DOCK9: variants seen among roughly 807,000 people sequenced by gnomAD.
The protein encoded by DOCK9 is dedicator of cytokinesis 9.
A neutral mutation model predicts 263.3 loss-of-function variants in DOCK9; 89 were observed. That is an observed-to-expected ratio of 0.34 (90% CI 0.28 to 0.40). The LOEUF (loss-of-function observed/expected upper bound fraction) is 0.40, where lower values mean the gene tolerates loss of function less well. Ranked by LOEUF, DOCK9 falls within the 10% of genes least tolerant of loss-of-function variation. The pLI is 1.00. For synonymous variants in DOCK9, 976 were observed against 973.1 expected (o/e 1.00, Z -0.06); for missense variants, 2,140 against 2,603.4 (o/e 0.82, Z 3.87).
At chr13:98,918,003 C>T (rs2051187977) in intron 7 of DOCK9, among the ~76,000 whole-genome samples, 1 of 152,198 alleles carries the variant, frequency 6.6e-6, no homozygotes, top group Non-Finnish European at 1.5e-5. Flanking sequence ...TCCCTGCAGA[C>T]ATCTGATTCT....
chr13:98,902,445 T>G lies in DOCK9; in HGVS notation c.1223A>C (p.Asn408Thr). Residue 408 changes from asparagine to threonine, a missense_variant, in exon 12 of 53, where the codon AAC (asparagine) becomes ACC (threonine). Physicochemically the swap from Asn to Thr is moderately conservative, Grantham distance 65. Coordinates refer to ENST00000682017, the MANE Select transcript of DOCK9 (RefSeq NM_001366683.2). The stretch of plus-strand genomic sequence containing the variant: ...GTGGAAATCGGCAGAAATCTTCCGG[T>G]TGTATTTTATGTCAAACAGGGATAG... ...VTLSLFDIKY[N>T]RKISADFHVD... The G allele has an allele frequency of 6.2e-7, 1 of 1,614,032 alleles. No individual in the cohort carries two copies. Among genetic ancestry groups the G allele is most frequent in the Admixed American group, 1.7e-5 (1 of 60,028 alleles).
At chr13:98,841,712 C>G (rs1402213627) in intron 38 of DOCK9, among the ~76,000 whole-genome samples, 1 of 151,342 alleles carries the variant, frequency 6.6e-6, no homozygotes, top group East Asian at 1.9e-4. Flanking sequence ...ACCTCCACCT[C>G]CTGGGTTCAA....
chr13:98,993,824 A>C (rs1335621195), intron 1 of DOCK9, among the ~76,000 whole-genome samples: 9 of 152,240 alleles, frequency 5.9e-5, no homozygotes, highest in Non-Finnish European at 1.2e-4. Flanking sequence ...AGTTTATTAA[A>C]TGTTTTCTCT....
At chr13:98,852,082 T>C (rs4304901) in intron 35 of DOCK9, among the ~76,000 whole-genome samples, 8,420 of 152,288 alleles carry the variant, frequency 0.055, 599 homozygotes, top group African/African-American at 0.15. Context: ...GTTCTTATTA[T>C]AGGTCATATT....
In DOCK9 at chr13:99,010,469, G is replaced by A. The variant is rs571421680; in HGVS notation, c.130-54918C>T. Among the ~76,000 whole-genome samples the A allele has an allele frequency of 4.0e-4, 61 of 152,326 alleles. 1 individual carries two copies. The South Asian group carries it at 6.0e-3, about 15-fold the overall frequency. On this transcript the variant is annotated intron_variant, in intron 1 of 32. Coordinates refer to the DOCK9 transcript ENST00000427887. ...TTTCCTGTCCTCAGGCAGTACCTGC[G>A]TGTCCCATGTGTCAGCGTCCCCATC...
At chr13:98,998,045 G>A (rs1213483938) in intron 1 of DOCK9, among the ~76,000 whole-genome samples, 2 of 152,228 alleles carry the variant, frequency 1.3e-5, no homozygotes, top group African/African-American at 4.8e-5. Context: ...GGGTGATGGT[G>A]AGGGTGTCAT....
At chr13:98,949,154 C>G (rs1480125575) in intron 2 of DOCK9, among the ~76,000 whole-genome samples, 2 of 152,184 alleles carry the variant, frequency 1.3e-5, no homozygotes, top group Non-Finnish European at 2.9e-5. Context: ...CTCACTGCAG[C>G]CTCAACCTGT....
rs759007656 is a variant in DOCK9 at position 98,863,453 on chromosome 13, A to G, written c.3382T>C (p.Phe1128Leu). 1.9e-6 allele frequency: 3 copies of G among 1,613,878 alleles called. No homozygotes were observed. The highest frequency in any genetic ancestry group is 8.5e-7 in the Non-Finnish European group (1 of 1,179,858). The change falls in exon 31 of 53, where the codon TTC (phenylalanine) becomes CTC (leucine). Residue 1128 changes from phenylalanine to leucine, a missense_variant. Around this residue, in one of 2 missense-constraint regions of DOCK9, gnomAD observed 1,521 missense variants for 1,741.7 expected, o/e 0.87. Coordinates refer to ENST00000682017, the MANE Select transcript of DOCK9 (RefSeq NM_001366683.2). Reference protein sequence around the residue: ...LREVGTALQEFREVRLIAISV... With the variant: ...LREVGTALQELREVRLIAISV... Reference sequence around the variant, plus strand: ...ATGGCGATCAGACGGACCTCCCGGAACTCCTGGAGGGCTGTCCCCACCTCC... The same window carrying G: ...ATGGCGATCAGACGGACCTCCCGGAGCTCCTGGAGGGCTGTCCCCACCTCC...
intron 1 of DOCK9, among the ~76,000 whole-genome samples, chr13:99,039,459 G>A (rs1566340445): frequency 6.6e-6 from 1 of 152,008 alleles, no homozygotes; most frequent in Non-Finnish European, 1.5e-5. Flanking sequence ...AAATGAAACT[G>A]TGGGAAAATG....
At chr13:98,921,233 G>T (rs1280277241) in intron 6 of DOCK9, 145 bp from the exon 7 acceptor site, 10 of 790,880 alleles carry the variant, frequency 1.3e-5, no homozygotes, top group Non-Finnish European at 1.7e-5. Flanking sequence ...GTGGGGTCAA[G>T]ACTCCCCATC....
chr13:99,080,685 A>G (rs889210687), intron 1 of DOCK9, among the ~76,000 whole-genome samples: 5 of 152,234 alleles, frequency 3.3e-5, no homozygotes, highest in East Asian at 3.8e-4. Context: ...TTCCAGGTCC[A>G]GTTTAATTCT....
chr13:99,003,260 G>A (rs536607873), intron 1 of DOCK9, among the ~76,000 whole-genome samples: 8 of 152,312 alleles, frequency 5.3e-5, no homozygotes, highest in Admixed American at 3.3e-4. Flanking sequence ...TCTTCAAGCC[G>A]TTGGCATTTA....
intron 1 of DOCK9, among the ~76,000 whole-genome samples, chr13:99,042,720 T>C (rs1301902812): frequency 1.3e-5 from 2 of 152,222 alleles, no homozygotes; most frequent in Non-Finnish European, 2.9e-5. Context: ...CTTTCAACTG[T>C]GGAACAGAAA....
chr13:99,039,838 G>A (rs551339264), intron 1 of DOCK9, among the ~76,000 whole-genome samples: 2 of 152,150 alleles, frequency 1.3e-5, no homozygotes, highest in South Asian at 2.1e-4. Context: ...ACTGAGGGTG[G>A]ACAGCCCTGA....
intron 50 of DOCK9, among the ~76,000 whole-genome samples, chr13:98,799,760 C>T (rs1315093298): frequency 2.6e-5 from 4 of 152,108 alleles, no homozygotes; most frequent in Non-Finnish European, 4.4e-5. Flanking sequence ...CCTAGGAGAA[C>T]ATCTGTGAAA....
chr13:99,071,538 A>T (rs1258436149), intron 1 of DOCK9, among the ~76,000 whole-genome samples: 1 of 151,820 alleles, frequency 6.6e-6, no homozygotes, highest in East Asian at 1.9e-4. Context: ...GGATCATCAT[A>T]AAGGTCTTCA....
rs767192601 is a variant in DOCK9, at chr13:98,824,414, T to C, written c.5114A>G (p.Asp1705Gly). ...AGCACGCACCTCGTTGAAATGGACATCCTGCATCCCCACGTCTTCCATCAT... is the reference window on the plus strand; with the variant it reads ...AGCACGCACCTCGTTGAAATGGACACCCTGCATCCCCACGTCTTCCATCAT... ...ASMMEDVGMQ[D>G]VHFNEDVLME... Residue 1705 changes from aspartate to glycine, a missense_variant, in exon 45 of 53, where the codon GAT becomes GGT. Physicochemically the swap from Asp to Gly is moderately conservative, Grantham distance 94 (BLOSUM62 -1). This residue lies in a region of DOCK9 where 619 missense variants were observed against 861.8 expected (regional missense o/e 0.72). Transcript: ENST00000682017. 1.3e-5 allele frequency: 21 copies of C among 1,613,734 alleles called. No homozygotes were observed. Among genetic ancestry groups the C allele is most frequent in the Non-Finnish European group, 1.4e-5 (17 of 1,179,804 alleles).
Position 98,885,073 on chromosome 13 carries a change from G to C in DOCK9, c.2280C>G (p.Pro760=). 1 of 1,613,584 alleles carries C rather than the reference G, an allele frequency of 6.2e-7. No homozygotes were observed. The highest frequency in any genetic ancestry group is 8.5e-7 in the Non-Finnish European group (1 of 1,179,770). ...VETQVGYSWL[P]LLKDGRVVTS... is the part of the protein sequence containing the mutation. ...TCACCACCCTTCCGTCTTTCAGGAG[G>C]GGAAGCCAGGAGTAGCCAACTGTTG... The change falls in exon 21 of 53, where the codon CCC becomes CCG. Residue 760 remains proline, a synonymous_variant. Coordinates refer to ENST00000682017, the MANE Select transcript of DOCK9 (RefSeq NM_001366683.2).
intron 41 of DOCK9, among the ~76,000 whole-genome samples, chr13:98,831,006 G>C (rs2092739624): frequency 1.3e-5 from 2 of 152,194 alleles, no homozygotes; most frequent in Admixed American, 6.5e-5. Flanking sequence ...ATAGAGGACA[G>C]AAAAGAACCA....
Sources: allele counts gnomAD v4.1 joint callset (sites outside exome capture counted in the v4.1 genomes callset), GRCh38; gene constraint gnomAD v4.1.1; regional missense constraint gnomAD v4.1.1; transcripts MANE v1.5; gene names NCBI Gene and HGNC (gene_info 2026-07-23, HGNC 2026-07-21).